The following PLXNC1 variants were observed in gnomAD, a reference collection of about 807,000 sequenced individuals.
PLXNC1 encodes the protein plexin-C1.
PLXNC1 carries 75 observed loss-of-function variants against 178.2 expected under a neutral mutation model. The observed-to-expected ratio is 0.42, with a 90% CI of 0.35 to 0.51. The LOEUF (loss-of-function observed/expected upper bound fraction) is 0.51, where lower values mean the gene tolerates loss of function less well. Ranked by LOEUF, PLXNC1 falls within the 20% of genes least tolerant of loss-of-function variation. The pLI is 0.02. For missense variants in PLXNC1, 1,503 were observed against 1,984.4 expected (o/e 0.76, Z 4.61); for synonymous variants, 790 against 779.9 (o/e 1.01, Z -0.22).
At chr12:94,174,134 G>A (rs1312870847) in intron 2 of PLXNC1, among the ~76,000 whole-genome samples, 1 of 152,156 alleles carries the variant, frequency 6.6e-6, no homozygotes, top group Non-Finnish European at 1.5e-5. Context: ...CTTGGGCTCA[G>A]ACTGGTTACC....
At chr12:94,217,948 T>C (rs73364688) in intron 5 of PLXNC1, among the ~76,000 whole-genome samples, 3,085 of 152,360 alleles carry the variant, frequency 0.02, 120 homozygotes, top group African/African-American at 0.071. Context: ...ATAATTATAG[T>C]TATGTAAAAG....
intron 23 of PLXNC1, among the ~76,000 whole-genome samples, chr12:94,293,146 A>G (rs1251729951): frequency 6.6e-6 from 1 of 152,124 alleles, no homozygotes; most frequent in Non-Finnish European, 1.5e-5. Flanking sequence ...TGTAAGATTT[A>G]CCCATGTGGC....
chr12:94,164,660 T>TGC (rs1961525416), intron 1 of PLXNC1, among the ~76,000 whole-genome samples: 1 of 77,964 alleles, frequency 1.3e-5, no homozygotes, highest in African/African-American at 5.3e-5. Flanking sequence ...CATGACTCCC[T>TGC]GCACACACAC....
chr12:94,268,588 C>CTTTTTTTTTTTTTTTTTT lies in PLXNC1; in HGVS notation c.3597+3370_3597+3387dup, dbSNP rs61265662. 1.1e-3 allele frequency among the ~76,000 whole-genome samples: 104 copies of CTTTTTTTTTTTTTTTTTT among 90,868 alleles called. 12 individuals carry two copies. Among genetic ancestry groups the CTTTTTTTTTTTTTTTTTT allele is most frequent in the African/African-American group, 2.3e-3 (50 of 21,728 alleles). The allele number at this position is 90,868 out of a possible 152,430, so 59.6% of individuals were successfully genotyped here. ...TCAGACAGCTGGAAGAGAATAAGAC[C>CTTTTTTTTTTTTTTTTTT]TTTTTTTTTTTTTTTTTTTTTTTTA... On this transcript the variant is annotated intron_variant, in intron 21 of 30. Coordinates refer to ENST00000258526, the MANE Select transcript of PLXNC1 (RefSeq NM_005761.3).
rs769217090 is a variant in PLXNC1, at chr12:94,149,968, A to G, written c.997A>G (p.Met333Val). The G allele has an allele frequency of 1.3e-6, 2 of 1,594,012 alleles. No homozygotes were observed. ...PTTTALCLFR[M>V]SEIQARAKRV... ...CACCACGGCGCTCTGCCTCTTCAGA[A>G]TGAGTGAGATCCAGGCGCGCGCCAA... The change falls in exon 1 of 31, where the codon ATG (methionine) becomes GTG (valine). Residue 333 changes from methionine to valine, a missense_variant. Physicochemically the swap from Met to Val is conservative, Grantham distance 21. Transcript: ENST00000258526.
At chr12:94,218,993 G>A (rs1403661794) in intron 5 of PLXNC1, among the ~76,000 whole-genome samples, 3 of 152,066 alleles carry the variant, frequency 2.0e-5, no homozygotes, top group African/African-American at 7.3e-5. Flanking sequence ...TGTTTGGATG[G>A]GAATAATTAA....
chr12:94,279,339 C>T (rs1273796389), intron 21 of PLXNC1, 133 bp from the exon 22 acceptor site: 3 of 659,950 alleles, frequency 4.5e-6, no homozygotes, highest in Admixed American at 3.0e-5. Context: ...TGAAAGTAGT[C>T]TAATGCAATA....
intron 2 of PLXNC1, among the ~76,000 whole-genome samples, chr12:94,176,859 T>C (rs1266975157): frequency 1.3e-5 from 2 of 151,892 alleles, no homozygotes; most frequent in African/African-American, 4.8e-5. Context: ...TCTATATTTA[T>C]AGATATATGT....
chr12:94,151,631 G>A (rs369185257), intron 1 of PLXNC1, among the ~76,000 whole-genome samples: 3 of 152,240 alleles, frequency 2.0e-5, no homozygotes, highest in African/African-American at 4.8e-5. Flanking sequence ...ATTACTTTGT[G>A]TCAAGCTTTA....
intron 15 of PLXNC1, among the ~76,000 whole-genome samples, chr12:94,252,442 T>C (rs1964722168): frequency 6.6e-6 from 1 of 152,120 alleles, no homozygotes; most frequent in Admixed American, 6.5e-5. Flanking sequence ...AAAAAGTAAA[T>C]GATTTTTTTT....
chr12:94,249,857 A>G (rs1478000206), intron 14 of PLXNC1, among the ~76,000 whole-genome samples: 1 of 150,020 alleles, frequency 6.7e-6, no homozygotes, highest in Non-Finnish European at 1.5e-5. Context: ...CCCTAAAGAG[A>G]CACAGCGTGA....
chr12:94,270,919 A>G (rs1306795182), intron 21 of PLXNC1, among the ~76,000 whole-genome samples: 1 of 152,112 alleles, frequency 6.6e-6, no homozygotes, highest in Non-Finnish European at 1.5e-5. Flanking sequence ...GGGAGGCTGG[A>G]TGGGCAAGCG....
In PLXNC1 at chr12:94,249,287, C is replaced by G. The variant is rs529279059; in HGVS notation, c.2778+875C>G. ...TCACTTTGTTACCCAGGCAGGAGTA[C>G]AGTGGCACGATCTTGGCTTACAGCA... is the stretch of plus-strand genomic sequence containing the variant. On this transcript the variant is annotated intron_variant, in intron 14 of 30. Transcript: ENST00000258526. 5.6e-4 allele frequency among the ~76,000 whole-genome samples: 86 copies of G among 152,264 alleles called. No homozygotes were observed. In the South Asian group the frequency reaches 6.2e-3, roughly 11 times the overall value.
At chr12:94,286,376 A>T (rs1163201944) in intron 23 of PLXNC1, among the ~76,000 whole-genome samples, 1 of 152,122 alleles carries the variant, frequency 6.6e-6, no homozygotes, top group African/African-American at 2.4e-5. Context: ...CTGCTTGGAG[A>T]AAATCATCCC....
At chr12:94,280,578 C>T (rs1966363785) in intron 22 of PLXNC1, among the ~76,000 whole-genome samples, 1 of 152,204 alleles carries the variant, frequency 6.6e-6, no homozygotes, top group Non-Finnish European at 1.5e-5. Flanking sequence ...GCTGCTAAGG[C>T]ACCCCTCTTC....
chr12:94,177,228 TAC>T (rs1266809358), intron 2 of PLXNC1, among the ~76,000 whole-genome samples: 2,471 of 30,842 alleles, frequency 0.08, 56 homozygotes, highest in East Asian at 0.21. Context: ...TGTATATATA[TAC>T]ATATATATAT....
intron 8 of PLXNC1, among the ~76,000 whole-genome samples, 194 bp from the exon 9 acceptor site, chr12:94,226,955 G>A (rs1255032364): frequency 3.3e-5 from 5 of 152,082 alleles, no homozygotes; most frequent in Admixed American, 2.0e-4. Flanking sequence ...CCCGGGAGGC[G>A]GAGGTTGCAG....
At chr12:94,212,970 T>C (rs563212374) in intron 5 of PLXNC1, among the ~76,000 whole-genome samples, 11 of 152,264 alleles carry the variant, frequency 7.2e-5, no homozygotes, top group Admixed American at 2.0e-4. Flanking sequence ...CTGCCCGCCT[T>C]GGCCTCCCAA....
At chr12:94,221,216 C>T (rs758575430) in intron 6 of PLXNC1, among the ~76,000 whole-genome samples, 7 of 152,160 alleles carry the variant, frequency 4.6e-5, no homozygotes, top group Non-Finnish European at 7.3e-5. Flanking sequence ...TCTGGCACAA[C>T]GTAGGCATTC....
Sources: gnomAD v4.1 joint callset for allele counts (sites outside exome capture counted in the v4.1 genomes callset) on GRCh38, gnomAD v4.1.1 for gene constraint, MANE v1.5 for transcripts, NCBI Gene and HGNC (gene_info 2026-07-23, HGNC 2026-07-21) for gene names.